The following ZNF729 variants were observed in gnomAD, a reference collection of about 807,000 sequenced individuals.
ZNF729 encodes the protein zinc finger protein 729.
A neutral mutation model predicts 12.2 loss-of-function variants in ZNF729; 15 were observed. That is an observed-to-expected ratio of 1.23 (90% CI 0.82 to 1.89). ZNF729 has a LOEUF of 1.89. ZNF729 is among the 40% of genes most tolerant of loss of function. The probability of loss-of-function intolerance (pLI) is 0.00; values close to 1 mark genes in which losing one functional copy is unlikely to be tolerated. For missense variants in ZNF729, 1,540 were observed against 1,456.7 expected, an observed-to-expected ratio of 1.06 and a Z score of -0.93; for synonymous variants, 492 against 476.3, an observed-to-expected ratio of 1.03 and a Z score of -0.43.
chr19:22,303,844 G>C lies in ZNF729; in HGVS notation c.117G>C (p.Arg39Ser), dbSNP rs764732572. The C allele has an allele frequency of 6.4e-7, 1 of 1,573,742 alleles. No homozygotes were observed. Among genetic ancestry groups the C allele is most frequent in the Admixed American group, 1.7e-5 (1 of 58,446 alleles). ...ACACGGTTCAGCAGAATTTATATAG[G>C]GATGTGATGTTAGAGAACTACAGAA... ...CLDTVQQNLY[R>S]DVMLENYRNL... is the part of the protein sequence containing the mutation. The change falls in exon 2 of 4, where the codon AGG becomes AGC. Residue 39 changes from arginine to serine, a missense_variant. By Grantham distance (110) the Arg-to-Ser change is moderately radical. Coordinates refer to ENST00000601693, the MANE Select transcript of ZNF729 (RefSeq NM_001242680.2).
intron 1 of ZNF729, among the ~76,000 whole-genome samples, chr19:22,294,583 T>C (rs1233325283): frequency 6.6e-6 from 1 of 152,028 alleles, no homozygotes; most frequent in Non-Finnish European, 1.5e-5. Flanking sequence ...CATTTTGATC[T>C]TTTCTACCTA....
chr19:22,294,739 C>A (rs550331997), intron 1 of ZNF729, among the ~76,000 whole-genome samples: 1 of 150,662 alleles, frequency 6.6e-6, no homozygotes, highest in Non-Finnish European at 1.5e-5. Flanking sequence ...TCACCACAAC[C>A]TCTGCCTCCT....
chr19:22,316,094 T>C lies in ZNF729; in HGVS notation c.2677T>C (p.Ser893Pro). Residue 893 changes from serine (S) to proline (P), a missense_variant, in exon 4 of 4, where the codon TCA (serine) becomes CCA (proline). Ser to Pro is a moderately conservative substitution (Grantham distance 74). Transcript: ENST00000601693. ...EECGKAFKWL[S>P]KLTVHKVIHT... ...ATGTGGTAAAGCTTTTAAGTGGTTGTCAAAACTTACTGTACATAAGGTAAT... is the reference window on the plus strand; with the variant it reads ...ATGTGGTAAAGCTTTTAAGTGGTTGCCAAAACTTACTGTACATAAGGTAAT... The C allele has an allele frequency of 1.2e-6, 2 of 1,610,336 alleles. No individual in the cohort carries two copies. The highest frequency in any genetic ancestry group is 1.7e-6 in the Non-Finnish European group (2 of 1,179,474).
intron 1 of ZNF729, chr19:22,299,669 G>A (rs1469935244): frequency 1.3e-5 from 2 of 152,960 alleles, no homozygotes; most frequent in Non-Finnish European, 2.9e-5. Flanking sequence ...GAATGAGGTG[G>A]GCTGTCACAG....
Position 22,309,065 on chromosome 19 carries a change from T to C in ZNF729, c.253+4282T>C, listed in dbSNP as rs1968418971. Among the ~76,000 whole-genome samples the C allele has an allele frequency of 2.0e-5, 3 of 152,368 alleles. No individual in the cohort carries two copies. In the South Asian group the frequency reaches 6.2e-4, roughly 32 times the overall value. ...CTTAGATTTAAGTCCTTAATCCATCTTGAGTTGATTTTTGTATAAAGTAAA... is the reference window on the plus strand; with the variant it reads ...CTTAGATTTAAGTCCTTAATCCATCCTGAGTTGATTTTTGTATAAAGTAAA... On this transcript the variant is annotated intron_variant, in intron 3 of 3. Transcript: ENST00000601693.
At position 22,316,675 on chromosome 19, in the gene ZNF729, G is replaced by A. The variant is rs763161779; in HGVS notation, c.3258G>A (p.Lys1086=). Residue 1086 remains lysine (K), a synonymous_variant, in exon 4 of 4, where the codon AAG becomes AAA. Transcript: ENST00000601693. ...CKCEECDKAF[K]HFSALRKHKV... ...GTGAAGAATGTGACAAAGCTTTTAA[G>A]CATTTCTCAGCCCTTAGAAAACATA... 2 of 1,610,438 alleles carry A rather than the reference G, an allele frequency of 1.2e-6. No homozygotes were observed. The highest frequency in any genetic ancestry group is 1.7e-6 in the Non-Finnish European group (2 of 1,179,160).
chr19:22,299,681 G>A (rs1238352892), intron 1 of ZNF729: 1 of 152,888 alleles, frequency 6.5e-6, no homozygotes, highest in African/African-American at 2.4e-5. Context: ...CTGTCACAGT[G>A]AGAAATTTTG....
At chr19:22,299,896 G>C (rs1968283076) in intron 1 of ZNF729, 1 of 152,302 alleles carries the variant, frequency 6.6e-6, no homozygotes, top group Admixed American at 6.5e-5. Context: ...GGCAGTTGTG[G>C]TTTATGTAAG....
intron 3 of ZNF729, among the ~76,000 whole-genome samples, chr19:22,307,294 C>G (rs1233555549): frequency 6.8e-6 from 1 of 146,624 alleles, no homozygotes; most frequent in Admixed American, 6.9e-5. Flanking sequence ...GCATGAGCCA[C>G]TGTGCGTGTC....
intron 1 of ZNF729, among the ~76,000 whole-genome samples, chr19:22,288,891 C>T (rs1968115866): frequency 6.6e-6 from 1 of 152,160 alleles, no homozygotes; most frequent in South Asian, 2.1e-4. Flanking sequence ...AAACAGTGAT[C>T]CAGTGAGATG....
At chr19:22,304,134 G>A (rs181641312) in intron 2 of ZNF729, among the ~76,000 whole-genome samples, 6 of 151,234 alleles carry the variant, frequency 4.0e-5, no homozygotes, top group African/African-American at 1.5e-4. Context: ...CACCTCCCAG[G>A]TTCATGCAAT....
chr19:22,300,051 A>T (rs1968284692), intron 1 of ZNF729, among the ~76,000 whole-genome samples: 1 of 152,198 alleles, frequency 6.6e-6, no homozygotes, highest in South Asian at 2.1e-4. Context: ...CATTGCTTTA[A>T]AGTGTAAATA....
chr19:22,314,846 A>G lies in ZNF729; in HGVS notation c.1429A>G (p.Arg477Gly). ...TTTTAGGCAATCCTCACACCTTACT[A>G]GACATAAAGCAATTCATACTGGAGA... is the stretch of plus-strand genomic sequence containing the variant. Reference protein sequence around the residue: ...KAFRQSSHLTRHKAIHTGEKP... With the variant: ...KAFRQSSHLTGHKAIHTGEKP... Residue 477 changes from arginine (R) to glycine (G), a missense_variant, in exon 4 of 4, where the codon AGA (arginine) becomes GGA (glycine). By Grantham distance (125) the Arg-to-Gly change is moderately radical. Coordinates refer to ENST00000601693, the MANE Select transcript of ZNF729 (RefSeq NM_001242680.2). 1 of 1,613,136 alleles carries G rather than the reference A, an allele frequency of 6.2e-7. No homozygotes were observed. The highest frequency in any genetic ancestry group is 1.7e-4 in the Middle Eastern group (1 of 6,056).
rs1458472892 is a variant in ZNF729 at position 22,313,960 on chromosome 19, A to C, written c.543A>C (p.Lys181Asn). The C allele has an allele frequency of 2.6e-6, 4 of 1,537,312 alleles. No individual in the cohort carries two copies. Among genetic ancestry groups the C allele is most frequent in the Non-Finnish European group, 3.5e-6 (4 of 1,144,420 alleles). Reference sequence around the variant, plus strand: ...GACACACTAAAAAGAAAACTTTCAAATGTATAAAATGTAGCAAATCATTTT... The same window carrying C: ...GACACACTAAAAAGAAAACTTTCAACTGTATAAAATGTAGCAAATCATTTT... ...KVRHTKKKTF[K>N]CIKCSKSFFM... The change falls in exon 4 of 4, where the codon AAA becomes AAC. Residue 181 changes from lysine to asparagine, a missense_variant. Physicochemically the swap from Lys to Asn is moderately conservative, Grantham distance 94. Transcript: ENST00000601693.
chr19:22,312,189 T>A lies in ZNF729; in HGVS notation c.254-1482T>A, dbSNP rs532524639. Among the ~76,000 whole-genome samples, 4 of 152,292 alleles carry A rather than the reference T, an allele frequency of 2.6e-5. No homozygotes were observed. The South Asian group carries it at 6.2e-4, about 24-fold the overall frequency. On this transcript the variant is annotated intron_variant, in intron 3 of 3. Transcript: ENST00000601693. The stretch of plus-strand genomic sequence containing the variant: ...GTGTTATTTAATTTATTTGAAATTT[T>A]AAAAATTAATTTATTAATCTTCATT...
chr19:22,296,729 A>G (rs1364882492), intron 1 of ZNF729, among the ~76,000 whole-genome samples: 1 of 151,968 alleles, frequency 6.6e-6, no homozygotes, highest in East Asian at 1.9e-4. Context: ...TTTTGATGTG[A>G]CCATTTAATG....
intron 1 of ZNF729, among the ~76,000 whole-genome samples, chr19:22,297,622 G>T (rs894255947): frequency 7.0e-6 from 1 of 142,844 alleles, no homozygotes; most frequent in Non-Finnish European, 1.5e-5. Context: ...TAGATTCATT[G>T]CTTTGTTTTT....
At position 22,314,989 on chromosome 19, in the gene ZNF729, T is replaced by A; in HGVS notation, c.1572T>A (p.Ala524=). ...ACAAATGTGAAGAATGTGGGAAAGC[T>A]TTTAGCCAGTCCTCAACCCTTAGAA... ...KPYKCEECGK[A]FSQSSTLRNH... The change falls in exon 4 of 4, where the codon GCT becomes GCA. Residue 524 remains alanine (A), a synonymous_variant. Transcript: ENST00000601693. 1 of 1,611,886 alleles carries A rather than the reference T, an allele frequency of 6.2e-7. No homozygotes were observed. The highest frequency in any genetic ancestry group is 8.5e-7 in the Non-Finnish European group (1 of 1,179,680).
At chr19:22,299,367 C>T (rs550356050) in intron 1 of ZNF729, among the ~76,000 whole-genome samples, 1 of 152,174 alleles carries the variant, frequency 6.6e-6, no homozygotes, top group Admixed American at 6.5e-5. Flanking sequence ...GTAGCTGGGA[C>T]TACAGGCTTG....
Sources: gnomAD v4.1 joint callset for allele counts (sites outside exome capture counted in the v4.1 genomes callset) on GRCh38, gnomAD v4.1.1 for gene constraint, MANE v1.5 for transcripts, NCBI Gene and HGNC (gene_info 2026-07-23, HGNC 2026-07-21) for gene names.